Variants in GUCY1B1 observed in about 807,000 individuals in gnomAD.
GUCY1B1 encodes the protein guanylate cyclase soluble subunit beta-1.
Under a neutral mutation model 71.0 loss-of-function variants are expected in GUCY1B1, and 43 were observed. The ratio of observed to expected loss-of-function variants is 0.61; its 90% confidence interval spans 0.47 to 0.78. The LOEUF is 0.78. GUCY1B1 is among the 30% of genes least tolerant of loss of function. The probability of loss-of-function intolerance (pLI) is 0.00; values close to 1 mark genes in which losing one functional copy is unlikely to be tolerated. For synonymous variants in GUCY1B1, 266 were observed against 259.7 expected (o/e 1.02, Z -0.23); for missense variants, 535 against 754.1 (o/e 0.71, Z 3.40).
intron 2 of GUCY1B1, among the ~76,000 whole-genome samples, chr4:155,766,831 A>C (rs1737366819): frequency 6.6e-6 from 1 of 152,200 alleles, no homozygotes. Flanking sequence ...AGTGTTTAGA[A>C]TACTGAAATT....
At chr4:155,759,954 C>T (rs1213869223) in intron 2 of GUCY1B1, 94 bp downstream of exon 2, 4 of 874,508 alleles carry the variant, frequency 4.6e-6, no homozygotes, top group African/African-American at 3.4e-5. Context: ...CTGGCCGGGT[C>T]GCGGGCGCGC....
intron 2 of GUCY1B1, among the ~76,000 whole-genome samples, chr4:155,764,464 G>A (rs1359041678): frequency 6.6e-6 from 1 of 152,150 alleles, no homozygotes; most frequent in African/African-American, 2.4e-5. Flanking sequence ...TGAAAAGTCA[G>A]AACTTCAGCC....
At position 155,759,030 on chromosome 4, in the gene GUCY1B1, C is replaced by A. The variant is rs537627214; in HGVS notation, c.-111C>A. On this transcript the variant is annotated 5_prime_UTR_variant, in exon 1 of 14. Coordinates refer to ENST00000264424, the MANE Select transcript of GUCY1B1 (RefSeq NM_000857.5). ...CAAGGCGGCTGTTCTCGCTCCAGCT[C>A]GATGCTGCCTCCCCGGCCCGGTTGC... is the stretch of plus-strand genomic sequence containing the variant. The A allele has an allele frequency of 3.3e-4, 393 of 1,197,400 alleles. No homozygotes were observed. In the African/African-American group the frequency reaches 5.6e-3, roughly 17 times the overall value. The allele number at this position is 1,197,400 out of a possible 1,614,324, so 74.2% of individuals were successfully genotyped here. A position where few individuals can be genotyped will look rare whatever the true frequency, so the allele number is the denominator to read the frequency against.
At chr4:155,799,138 A>G (rs141930718) in intron 8 of GUCY1B1, among the ~76,000 whole-genome samples, 2 of 152,218 alleles carry the variant, frequency 1.3e-5, no homozygotes, top group African/African-American at 4.8e-5. Context: ...GCCCAGCCTC[A>G]AAGAGTACAT....
chr4:155,773,744 A>C (rs895820185), intron 2 of GUCY1B1, among the ~76,000 whole-genome samples: 2 of 152,100 alleles, frequency 1.3e-5, no homozygotes, highest in Non-Finnish European at 2.9e-5. Flanking sequence ...TACCTTTAGA[A>C]TATATATGAG....
chr4:155,796,631 G>A (rs1739576627), intron 8 of GUCY1B1, 121 bp downstream of exon 8: 2 of 651,228 alleles, frequency 3.1e-6, no homozygotes, highest in Non-Finnish European at 5.2e-6. Context: ...AGATTTTACA[G>A]CCCTTGTTGT....
At chr4:155,760,152 T>C (rs1736887779) in intron 2 of GUCY1B1, among the ~76,000 whole-genome samples, 1 of 152,024 alleles carries the variant, frequency 6.6e-6, no homozygotes, top group Non-Finnish European at 1.5e-5. Context: ...CTGCCGGCGC[T>C]CCCAGGCTCA....
chr4:155,762,160 G>T (rs1737037668), intron 2 of GUCY1B1, among the ~76,000 whole-genome samples: 3 of 152,154 alleles, frequency 2.0e-5, no homozygotes, highest in Non-Finnish European at 4.4e-5. Flanking sequence ...GAATCTTGCT[G>T]CCTGGGGAGA....
intron 2 of GUCY1B1, among the ~76,000 whole-genome samples, chr4:155,763,402 G>A (rs1737130898): frequency 1.3e-5 from 2 of 152,034 alleles, no homozygotes; most frequent in African/African-American, 4.8e-5. Context: ...CCAAAACACT[G>A]AAAAATCCCA....
At chr4:155,787,035 A>G (rs1427067984) in intron 4 of GUCY1B1, among the ~76,000 whole-genome samples, 3 of 152,046 alleles carry the variant, frequency 2.0e-5, no homozygotes, top group Admixed American at 1.3e-4. Flanking sequence ...AAACTCTCTC[A>G]GTGATTTTTT....
At chr4:155,798,933 GTTCAAGCAATTC>G (rs1739754208) in intron 8 of GUCY1B1, among the ~76,000 whole-genome samples, 1 of 152,148 alleles carries the variant, frequency 6.6e-6, no homozygotes, top group Non-Finnish European at 1.5e-5. Flanking sequence ...CTGCTCCCGG[GTTCAAGCAATTC>G]TCCTGCCTCA....
At position 155,775,049 on chromosome 4, in the gene GUCY1B1, T is replaced by C. The variant is rs1466049075; in HGVS notation, c.159T>C (p.Ala53=). 1 of 1,589,980 alleles carries C rather than the reference T, an allele frequency of 6.3e-7. No homozygotes were observed. Among genetic ancestry groups the C allele is most frequent in the Non-Finnish European group, 8.6e-7 (1 of 1,158,454 alleles). ...YDDSKTYDLV[A]AASKVLNLNA... ...ACTCCAAAACTTATGATTTGGTTGC[T>C]GCTGCAAGCAAAGTCCTCAGTAAGT... The change falls in exon 3 of 14, where the codon GCT becomes GCC. Residue 53 remains alanine, a synonymous_variant. Transcript: ENST00000264424.
chr4:155,759,972 G>T, intron 2 of GUCY1B1, 112 bp downstream of exon 2: 2 of 703,642 alleles, frequency 2.8e-6, no homozygotes, highest in Non-Finnish European at 4.8e-6. Flanking sequence ...CGCATCCTTG[G>T]AGGTGCCTCC....
chr4:155,786,649 T>TC (rs1491301964), intron 4 of GUCY1B1, among the ~76,000 whole-genome samples: 1 of 151,742 alleles, frequency 6.6e-6, no homozygotes, highest in Non-Finnish European at 1.5e-5. Flanking sequence ...TCTTTTTTTT[T>TC]CTCTTAGTAG....
chr4:155,775,297 T>C (rs1269832958), intron 3 of GUCY1B1, among the ~76,000 whole-genome samples: 1 of 152,174 alleles, frequency 6.6e-6, no homozygotes, highest in Admixed American at 6.5e-5. Context: ...GTGCTCTTCT[T>C]GTTGTTTTTT....
intron 7 of GUCY1B1, 42 bp downstream of exon 7, chr4:155,795,499 C>A: frequency 1.0e-6 from 1 of 970,808 alleles, no homozygotes. Flanking sequence ...AAAGGTATGT[C>A]ACAAATTAGA....
intron 2 of GUCY1B1, among the ~76,000 whole-genome samples, chr4:155,771,048 T>A (rs1199894333): frequency 6.6e-6 from 1 of 152,136 alleles, no homozygotes; most frequent in Non-Finnish European, 1.5e-5. Context: ...CTTAGAAAAG[T>A]GCTTGGACAT....
At position 155,806,225 on chromosome 4, in the gene GUCY1B1, C is replaced by T. The variant is rs17033572; in HGVS notation, c.1837-161C>T. Among the ~76,000 whole-genome samples, 8 of 152,070 alleles carry T rather than the reference C, an allele frequency of 5.3e-5. No individual in the cohort carries two copies. In the East Asian group the frequency reaches 1.2e-3, roughly 22 times the overall value. ...TACCTCAAACATTGGTCATCTTAGT[C>T]GTGCGGTCCTGTTTTTCCCAGAATT... On this transcript the variant is annotated intron_variant, in intron 13 of 13. Coordinates refer to ENST00000264424, the MANE Select transcript of GUCY1B1 (RefSeq NM_000857.5).
intron 1 of GUCY1B1, 96 bp downstream of exon 1, chr4:155,759,239 G>C: frequency 1.6e-6 from 2 of 1,268,326 alleles, no homozygotes; most frequent in South Asian, 1.4e-5. Context: ...TTGGCTCGGG[G>C]GCCCTGGGCG....
Sources: gnomAD v4.1 joint callset for allele counts (sites outside exome capture counted in the v4.1 genomes callset) on GRCh38, gnomAD v4.1.1 for gene constraint, MANE v1.5 for transcripts, NCBI Gene and HGNC (gene_info 2026-07-23, HGNC 2026-07-21) for gene names.